Variants in GULP1 observed in about 807,000 individuals in gnomAD.
GULP1 encodes GULP PTB domain containing engulfment adaptor 1.
GULP1 carries 19 observed loss-of-function variants against 40.9 expected under a neutral mutation model. That is an observed-to-expected ratio of 0.46 (90% CI 0.32 to 0.68). GULP1 has a LOEUF of 0.68. Among genes scored for constraint, GULP1 ranks in the 30% least tolerant of loss-of-function variants. The pLI, the probability that GULP1 is intolerant of heterozygous loss-of-function variation, is 0.03. For missense variants in GULP1, 312 were observed against 362.2 expected, an observed-to-expected ratio of 0.86 and a Z score of 1.12; for synonymous variants, 119 against 117.6, an observed-to-expected ratio of 1.01 and a Z score of -0.08.
chr2:188,384,758 G>A (rs1185117937), intron 2 of GULP1, among the ~76,000 whole-genome samples: 1 of 152,150 alleles, frequency 6.6e-6, no homozygotes, highest in East Asian at 1.9e-4. Context: ...GGGAGAAATT[G>A]GCCAATGCAA....
At chr2:188,571,019 A>G (rs7569960) in intron 9 of GULP1, among the ~76,000 whole-genome samples, 7,369 of 152,132 alleles carry the variant, frequency 0.048, 426 homozygotes, top group African/African-American at 0.14. Context: ...TTATCCAGGC[A>G]TATTGGCACA....
chr2:188,387,479 C>T (rs1314751412), intron 2 of GULP1, among the ~76,000 whole-genome samples: 1 of 151,972 alleles, frequency 6.6e-6, no homozygotes, highest in Non-Finnish European at 1.5e-5. Flanking sequence ...ATAAGAAATA[C>T]GTTTTGGTTT....
intron 2 of GULP1, among the ~76,000 whole-genome samples, chr2:188,451,987 G>A (rs2058870981): frequency 6.6e-6 from 1 of 152,152 alleles, no homozygotes; most frequent in South Asian, 2.1e-4. Flanking sequence ...ACATAAAGAT[G>A]TGCAGAATTA....
intron 7 of GULP1, among the ~76,000 whole-genome samples, chr2:188,545,986 A>G (rs1382056780): frequency 6.6e-6 from 1 of 151,936 alleles, no homozygotes; most frequent in Non-Finnish European, 1.5e-5. Flanking sequence ...TACCAGAGAC[A>G]GAGGAGGGGC....
intron 1 of GULP1, among the ~76,000 whole-genome samples, chr2:188,351,388 C>T (rs1183334581): frequency 1.3e-5 from 2 of 152,198 alleles, no homozygotes; most frequent in East Asian, 3.9e-4. Flanking sequence ...AATAACGCTT[C>T]TGACTTCAAA....
chr2:188,473,155 TTC>T (rs147222438), intron 2 of GULP1, among the ~76,000 whole-genome samples: 231 of 119,318 alleles, frequency 1.9e-3, no homozygotes, highest in Non-Finnish European at 1.8e-3. Flanking sequence ...GGGTCTCTCT[TTC>T]TCTCTCTCTC....
At chr2:188,378,001 G>A (rs2048507715) in intron 1 of GULP1, among the ~76,000 whole-genome samples, 1 of 151,964 alleles carries the variant, frequency 6.6e-6, no homozygotes, top group Non-Finnish European at 1.5e-5. Flanking sequence ...ATTCTCCCTT[G>A]TCTCAATAGT....
intron 1 of GULP1, among the ~76,000 whole-genome samples, chr2:188,382,183 T>C (rs996797712): frequency 1.7e-4 from 26 of 152,188 alleles, no homozygotes; most frequent in African/African-American, 5.8e-4. Flanking sequence ...AGGGATTCTT[T>C]GGCCACAAGA....
intron 1 of GULP1, among the ~76,000 whole-genome samples, chr2:188,325,338 T>C (rs1408953845): frequency 6.6e-6 from 1 of 152,092 alleles, no homozygotes; most frequent in Non-Finnish European, 1.5e-5. Flanking sequence ...GCTTTGAATA[T>C]ACCAGAGTTA....
rs930505857 is a variant in GULP1, at chr2:188,383,876, T to A, written c.-58T>A. ...AGTGTCCATTTTCTTTCAACTATAT[T>A]TGAGCATACCCAGGTAAGAATAAAT... On this transcript the variant is annotated 5_prime_UTR_variant, in exon 2 of 12. In the 5' UTR this introduces an upstream ATG that the reference lacks. Transcript: ENST00000409830. The A allele has an allele frequency of 6.6e-6, 1 of 152,198 alleles. No homozygotes were observed. The allele number at this position is 152,198 out of a possible 1,614,324, so 9.4% of individuals were successfully genotyped here.
chr2:188,346,758 G>T (rs1433741071), intron 1 of GULP1, among the ~76,000 whole-genome samples: 1 of 151,936 alleles, frequency 6.6e-6, no homozygotes, highest in Non-Finnish European at 1.5e-5. Flanking sequence ...GAATCATGAG[G>T]TCAAGAGATT....
chr2:188,403,852 T>A (rs527604860), intron 2 of GULP1, among the ~76,000 whole-genome samples: 1 of 152,158 alleles, frequency 6.6e-6, no homozygotes, highest in Non-Finnish European at 1.5e-5. Flanking sequence ...GAAAATCTCC[T>A]GTTTATCTTC....
At chr2:188,373,303 A>T (rs1208519243) in intron 1 of GULP1, among the ~76,000 whole-genome samples, 1 of 151,944 alleles carries the variant, frequency 6.6e-6, no homozygotes, top group Admixed American at 6.6e-5. Context: ...GGGAGCAATG[A>T]AGAAAAATGA....
At chr2:188,434,377 C>T (rs1177116460) in intron 2 of GULP1, among the ~76,000 whole-genome samples, 1 of 151,002 alleles carries the variant, frequency 6.6e-6, no homozygotes, top group Non-Finnish European at 1.5e-5. Context: ...GAATATGTCT[C>T]CTTCTTGGTT....
At chr2:188,373,665 A>C (rs1185746856) in intron 1 of GULP1, among the ~76,000 whole-genome samples, 1 of 151,990 alleles carries the variant, frequency 6.6e-6, no homozygotes, top group African/African-American at 2.4e-5. Context: ...AGTTATTAAG[A>C]CACAAATGAT....
At position 188,362,371 on chromosome 2, in the gene GULP1, G is replaced by A. The variant is rs564738782; in HGVS notation, c.-171-21392G>A. On this transcript the variant is annotated intron_variant, in intron 1 of 11. Transcript: ENST00000409830. ...TGTAAAACACCTCATATGTTTCATA[G>A]AACTAGTGTTTTTCAGAACTCATTT... 9.2e-5 allele frequency among the ~76,000 whole-genome samples: 14 copies of A among 152,146 alleles called. No individual in the cohort carries two copies. In the South Asian group the frequency reaches 2.9e-3, roughly 32 times the overall value.
chr2:188,461,211 C>T (rs370298178), intron 2 of GULP1, among the ~76,000 whole-genome samples: 44 of 151,734 alleles, frequency 2.9e-4, no homozygotes, highest in African/African-American at 9.4e-4. Context: ...CTCTGTTTTT[C>T]GAATAGTTTA....
chr2:188,566,794 CAAAAAAAA>C (rs11350294), intron 7 of GULP1, among the ~76,000 whole-genome samples: 8 of 26,918 alleles, frequency 3.0e-4, no homozygotes, highest in South Asian at 5.3e-3. Context: ...GACTCCATCT[CAAAAAAAA>C]AAAAAAAAAA....
At chr2:188,560,003 T>C in intron 7 of GULP1, among the ~76,000 whole-genome samples, 1 of 152,180 alleles carries the variant, frequency 6.6e-6, no homozygotes, top group Non-Finnish European at 1.5e-5. Context: ...TCCCCAGCCA[T>C]GTTGAACTGT....
Sources: gnomAD v4.1 joint callset for allele counts (sites outside exome capture counted in the v4.1 genomes callset) on GRCh38, gnomAD v4.1.1 for gene constraint, MANE v1.5 for transcripts, NCBI Gene and HGNC (gene_info 2026-07-23, HGNC 2026-07-21) for gene names.